The following CHD7 variants were observed in gnomAD, a reference collection of about 807,000 sequenced individuals.
CHD7 encodes the protein ATP-dependent chromatin remodeler CHD7.
In CHD7, 24 loss-of-function variants were observed where a neutral mutation model predicts 307.3. That is an observed-to-expected ratio of 0.08 (90% CI 0.06 to 0.11). The LOEUF (loss-of-function observed/expected upper bound fraction) is 0.11, where lower values mean the gene tolerates loss of function less well. Among genes scored for constraint, CHD7 ranks in the 10% least tolerant of loss-of-function variants. The probability of loss-of-function intolerance (pLI) is 1.00; values close to 1 mark genes in which losing one functional copy is unlikely to be tolerated. For missense variants in CHD7, 3,106 were observed against 3,727.1 expected (o/e 0.83, Z 4.34); for synonymous variants, 1,363 against 1,349.9 (o/e 1.01, Z -0.21).
chr8:60,749,285 C>T (rs763261724), intron 2 of CHD7, among the ~76,000 whole-genome samples: 2 of 134,022 alleles, frequency 1.5e-5, no homozygotes, highest in African/African-American at 2.8e-5. Flanking sequence ...GCAGGAGAAT[C>T]GCTTGAACCC....
chr8:60,753,064 A>G (rs71525425), intron 2 of CHD7, among the ~76,000 whole-genome samples: 66 of 152,352 alleles, frequency 4.3e-4, no homozygotes, highest in African/African-American at 1.3e-3. Flanking sequence ...CAAATATGTC[A>G]GAGACATTTC....
At chr8:60,724,069 AGTC>A (rs1203158020) in intron 1 of CHD7, among the ~76,000 whole-genome samples, 1 of 152,146 alleles carries the variant, frequency 6.6e-6, no homozygotes, top group East Asian at 1.9e-4. Context: ...TTAGGTCTCA[AGTC>A]TTTTAGCCCT....
chr8:60,738,128 A>G (rs1416065317), intron 1 of CHD7, among the ~76,000 whole-genome samples: 1 of 152,180 alleles, frequency 6.6e-6, no homozygotes, highest in East Asian at 1.9e-4. Flanking sequence ...TAAATACTTT[A>G]TGCTGTCCAG....
At chr8:60,797,186 T>C (rs969233778) in intron 4 of CHD7, among the ~76,000 whole-genome samples, 2 of 152,192 alleles carry the variant, frequency 1.3e-5, no homozygotes, top group African/African-American at 2.4e-5. Flanking sequence ...TAATTTTACA[T>C]TGGGGAATTG....
At chr8:60,832,381 T>C (rs1047719797) in intron 15 of CHD7, among the ~76,000 whole-genome samples, 1 of 152,170 alleles carries the variant, frequency 6.6e-6, no homozygotes, top group Non-Finnish European at 1.5e-5. Flanking sequence ...TCATGTGTGA[T>C]GATTATGTAT....
chr8:60,862,427 T>C, intron 36 of CHD7, 91 bp downstream of exon 36: 1 of 1,498,314 alleles, frequency 6.7e-7, no homozygotes, highest in Non-Finnish European at 9.0e-7. Flanking sequence ...GGGAAAAGAA[T>C]CCTGTCTGCC....
chr8:60,853,829 G>A (rs749551919), intron 31 of CHD7, among the ~76,000 whole-genome samples: 54 of 152,174 alleles, frequency 3.5e-4, no homozygotes, highest in Non-Finnish European at 5.4e-4. Context: ...GTGAGGGAAG[G>A]TGGTCATTCA....
chr8:60,682,128 T>A (rs1805661338), intron 1 of CHD7, among the ~76,000 whole-genome samples: 1 of 152,220 alleles, frequency 6.6e-6, no homozygotes, highest in Non-Finnish European at 1.5e-5. Flanking sequence ...AATATGGAAG[T>A]CAAATTTATA....
rs1808478285 is a variant in CHD7, at chr8:60,732,010, A to T, written c.-174-9249A>T. Among the ~76,000 whole-genome samples, 3 of 152,368 alleles carry T rather than the reference A, an allele frequency of 2.0e-5. No individual in the cohort carries two copies. The South Asian group carries it at 6.2e-4, about 32-fold the overall frequency. On this transcript the variant is annotated intron_variant, in intron 1 of 37. Transcript: ENST00000423902. ...GTGCTCAGGTTTATTCATGATGGAT[A>T]AGACTCCCTTCCTATCACATGTGCA...
Position 60,737,216 on chromosome 8 carries a change from T to C in CHD7, c.-174-4043T>C, listed in dbSNP as rs180928592. ...GCTCCAATTTGGTGTTGATATATGCTTGTTTCCTAAAAGTTATATATAGTA... is the reference window on the plus strand; with the variant it reads ...GCTCCAATTTGGTGTTGATATATGCCTGTTTCCTAAAAGTTATATATAGTA... On this transcript the variant is annotated intron_variant, in intron 1 of 37. Transcript: ENST00000423902. Among the ~76,000 whole-genome samples the C allele has an allele frequency of 1.7e-3, 258 of 152,312 alleles. 1 individual carries two copies. Among genetic ancestry groups the C allele is most frequent in the African/African-American group, 5.8e-3 (240 of 41,570 alleles).
chr8:60,720,331 A>G (rs1272571834), intron 1 of CHD7, among the ~76,000 whole-genome samples: 1 of 152,184 alleles, frequency 6.6e-6, no homozygotes, highest in Non-Finnish European at 1.5e-5. Context: ...GTCACAGACT[A>G]TGTTCATTTT....
chr8:60,852,450 A>T, intron 29 of CHD7, 48 bp from the exon 30 acceptor site: 1 of 1,516,436 alleles, frequency 6.6e-7, no homozygotes, highest in Non-Finnish European at 9.1e-7. Flanking sequence ...AGTAAATATT[A>T]AGTCTTTTCC....
intron 37 of CHD7, 80 bp from the exon 38 acceptor site, chr8:60,864,936 G>A (rs1806169637): frequency 7.3e-7 from 1 of 1,373,216 alleles, no homozygotes; most frequent in East Asian, 2.5e-5. Flanking sequence ...GGAATGGCAG[G>A]TTCACCACAG....
At chr8:60,709,972 T>C (rs758623981) in intron 1 of CHD7, among the ~76,000 whole-genome samples, 1 of 152,202 alleles carries the variant, frequency 6.6e-6, no homozygotes, top group Non-Finnish European at 1.5e-5. Flanking sequence ...TATGGGTTGC[T>C]GGGAATACTT....
rs1217492333 is a variant in CHD7, at chr8:60,742,428, A to G, written c.996A>G (p.Leu332=). The G allele has an allele frequency of 2.7e-5, 44 of 1,613,942 alleles. No homozygotes were observed. In the Admixed American group the frequency reaches 7.0e-4, roughly 26 times the overall value. Residue 332 remains leucine (L), a synonymous_variant, in exon 2 of 38, where the codon TTA becomes TTG. Coordinates refer to ENST00000423902, the MANE Select transcript of CHD7 (RefSeq NM_017780.4). The part of the protein sequence containing the change: ...LVNNTGMNQN[L]GLTNNTPMNQ... Reference sequence around the variant, plus strand: ...ACAATACAGGGATGAATCAAAATTTAGGCCTTACAAATAATACTCCAATGA... The same window carrying G: ...ACAATACAGGGATGAATCAAAATTTGGGCCTTACAAATAATACTCCAATGA...
intron 23 of CHD7, among the ~76,000 whole-genome samples, chr8:60,847,900 A>G (rs1805284600): frequency 6.6e-6 from 1 of 152,160 alleles, no homozygotes; most frequent in African/African-American, 2.4e-5. Flanking sequence ...AGGAATAAAA[A>G]TGTCTAACAT....
chr8:60,741,781 G>A lies in CHD7; in HGVS notation c.349G>A (p.Gly117Ser). The A allele has an allele frequency of 6.2e-7, 1 of 1,613,900 alleles. No homozygotes were observed. Among genetic ancestry groups the A allele is most frequent in the Non-Finnish European group, 8.5e-7 (1 of 1,179,862 alleles). Reference protein sequence around the residue: ...TPPVPQVPHGGSGGGQMGVYP... With the variant: ...TPPVPQVPHGSSGGGQMGVYP... ...TCCCGTTCCTCAGGTGCCCCATGGTGGCAGTGGTGGCGGTCAGATGGGTGT... is the reference window on the plus strand; with the variant it reads ...TCCCGTTCCTCAGGTGCCCCATGGTAGCAGTGGTGGCGGTCAGATGGGTGT... The change falls in exon 2 of 38, where the codon GGC becomes AGC. Residue 117 changes from glycine (G) to serine (S), a missense_variant. Around this residue, in one of 10 missense-constraint regions of CHD7, gnomAD observed 998 missense variants for 1,004.5 expected, o/e 0.99. Coordinates refer to ENST00000423902, the MANE Select transcript of CHD7 (RefSeq NM_017780.4).
At chr8:60,828,835 G>A (rs758680336) in intron 14 of CHD7, 29 bp downstream of exon 14, 7 of 1,598,304 alleles carry the variant, frequency 4.4e-6, no homozygotes, top group Non-Finnish European at 5.1e-6. Flanking sequence ...TTGTATTTCA[G>A]TTATAAAATT....
Position 60,822,487 on chromosome 8 carries a change from C to T in CHD7, c.2958-16C>T, listed in dbSNP as rs772885661. The T allele has an allele frequency of 6.2e-7, 1 of 1,611,088 alleles. No homozygotes were observed. On this transcript the variant is annotated splice_polypyrimidine_tract_variant and intron_variant, in intron 11 of 37. Transcript: ENST00000423902. The stretch of plus-strand genomic sequence containing the variant: ...CCATACTCATTAAACTTTTGTACTT[C>T]ATTTTCCTCCTAAAGGCGAAACTGC...
Sources: gnomAD v4.1 joint callset for allele counts (sites outside exome capture counted in the v4.1 genomes callset) on GRCh38, gnomAD v4.1.1 for gene constraint, gnomAD v4.1.1 regional missense constraint, MANE v1.5 for transcripts, NCBI Gene and HGNC (gene_info 2026-07-23, HGNC 2026-07-21) for gene names.